XPNPEP3: variants seen among roughly 807,000 people sequenced by gnomAD.
The protein encoded by XPNPEP3 is xaa-Pro aminopeptidase 3.
A neutral mutation model predicts 60.0 loss-of-function variants in XPNPEP3; 41 were observed. The ratio of observed to expected loss-of-function variants is 0.68; its 90% CI spans 0.53 to 0.89. The LOEUF (loss-of-function observed/expected upper bound fraction) is 0.89. XPNPEP3 is among the 40% of genes least tolerant of loss of function. XPNPEP3 has a pLI of 0.00. For missense variants in XPNPEP3, 598 were observed against 638.9 expected (o/e 0.94, Z 0.69); for synonymous variants, 212 against 223.2 (o/e 0.95, Z 0.45).
Position 40,932,748 on chromosome 22 carries a change from C to T in XPNPEP3, c.*6313C>T, listed in dbSNP as rs986659624. The T allele has an allele frequency of 1.3e-5, 2 of 152,028 alleles. No individual in the cohort carries two copies. The highest frequency in any genetic ancestry group is 1.3e-4 in the Admixed American group (2 of 15,256). 9.4% of individuals were successfully genotyped at this position (152,028 alleles called of 1,614,324 possible). ...CATTACTAATAACTGAAAATAGTTA[C>T]GTCATTGCCCATCAAGGGAAAAGCA... is the stretch of plus-strand genomic sequence containing the variant. On this transcript the variant is annotated 3_prime_UTR_variant, in exon 10 of 10. Transcript: ENST00000357137.
chr22:40,901,557 C>T lies in XPNPEP3; in HGVS notation c.793-6030C>T, dbSNP rs562893206. Among the ~76,000 whole-genome samples, 104 of 152,158 alleles carry T rather than the reference C, an allele frequency of 6.8e-4. No homozygotes were observed. The Middle Eastern group carries it at 0.014, about 20-fold the overall frequency. Reference sequence around the variant, plus strand: ...GCCTATTTAAAGAACTCTTACAGTTCAACAACAGGCCAGGGACAGTGGCTC... The same window carrying T: ...GCCTATTTAAAGAACTCTTACAGTTTAACAACAGGCCAGGGACAGTGGCTC... On this transcript the variant is annotated intron_variant, in intron 4 of 9. Transcript: ENST00000357137.
At chr22:40,918,009 TA>T (rs34474574) in intron 7 of XPNPEP3, among the ~76,000 whole-genome samples, 19,876 of 124,866 alleles carry the variant, frequency 0.16, 4,106 homozygotes, top group African/African-American at 0.49. Context: ...AGACTCTGTC[TA>T]AAAAAAAAAA....
chr22:40,859,520 A>G (rs2145762841), intron 1 of XPNPEP3: 1 of 152,264 alleles, frequency 6.6e-6, no homozygotes, highest in East Asian at 1.9e-4. Flanking sequence ...GATAAACTCT[A>G]CTAAATATCA....
intron 7 of XPNPEP3, among the ~76,000 whole-genome samples, chr22:40,915,356 C>T (rs1271841884): frequency 6.6e-6 from 1 of 151,974 alleles, no homozygotes; most frequent in Non-Finnish European, 1.5e-5. Flanking sequence ...AGGCAGAGCA[C>T]CTGAGGTCAG....
chr22:40,881,599 C>T (rs2058048363), intron 2 of XPNPEP3, among the ~76,000 whole-genome samples, 171 bp from the exon 3 acceptor site: 2 of 152,146 alleles, frequency 1.3e-5, no homozygotes, highest in African/African-American at 4.8e-5. Flanking sequence ...CAAATTTTTG[C>T]AGTGGAATAC....
At chr22:40,858,625 G>A (rs1189696177) in intron 1 of XPNPEP3, among the ~76,000 whole-genome samples, 3 of 134,138 alleles carry the variant, frequency 2.2e-5, no homozygotes, top group Admixed American at 8.5e-5. Flanking sequence ...TCCACCTCCC[G>A]AGTTCAAGCG....
intron 4 of XPNPEP3, among the ~76,000 whole-genome samples, chr22:40,898,593 G>A (rs1569025608): frequency 6.6e-6 from 1 of 152,034 alleles, no homozygotes; most frequent in Non-Finnish European, 1.5e-5. Flanking sequence ...TATAAACTAA[G>A]GGTCTAACCT....
chr22:40,908,320 G>A (rs958061231), intron 5 of XPNPEP3, among the ~76,000 whole-genome samples: 20 of 151,846 alleles, frequency 1.3e-4, no homozygotes, highest in Non-Finnish European at 8.8e-5. Flanking sequence ...AGGAGTTTGA[G>A]ACCAGCCTGG....
chr22:40,925,253 T>TA (rs2058230863), intron 9 of XPNPEP3, among the ~76,000 whole-genome samples: 1 of 152,224 alleles, frequency 6.6e-6, no homozygotes, highest in South Asian at 2.1e-4. Flanking sequence ...ATACGTTACC[T>TA]AACTTGAATG....
intron 4 of XPNPEP3, among the ~76,000 whole-genome samples, chr22:40,893,562 C>A (rs1192168524): frequency 6.7e-6 from 1 of 150,084 alleles, no homozygotes; most frequent in Non-Finnish European, 1.5e-5. Context: ...CAAGATATAG[C>A]CTTATTTGTA....
intron 6 of XPNPEP3, among the ~76,000 whole-genome samples, chr22:40,910,098 T>G (rs930899965): frequency 6.6e-6 from 1 of 150,550 alleles, no homozygotes; most frequent in Non-Finnish European, 1.5e-5. Context: ...GAAAAAAATA[T>G]AGCAAACATG....
At chr22:40,897,092 C>T (rs373693979) in intron 4 of XPNPEP3, among the ~76,000 whole-genome samples, 3 of 134,166 alleles carry the variant, frequency 2.2e-5, no homozygotes, top group East Asian at 4.7e-4. Context: ...AGTGCAGTGG[C>T]GCAATCTCGG....
intron 1 of XPNPEP3, among the ~76,000 whole-genome samples, chr22:40,865,079 T>C (rs912582024): frequency 1.2e-4 from 19 of 152,244 alleles, no homozygotes; most frequent in Non-Finnish European, 2.4e-4. Flanking sequence ...GTTGATCCTT[T>C]GCCTCCCAGC....
chr22:40,895,780 G>T (rs1569024613), intron 4 of XPNPEP3, among the ~76,000 whole-genome samples: 1 of 152,130 alleles, frequency 6.6e-6, no homozygotes, highest in Non-Finnish European at 1.5e-5. Flanking sequence ...TTTCACAGCA[G>T]CATCCCCACA....
chr22:40,891,814 T>G (rs1243633594), intron 4 of XPNPEP3, among the ~76,000 whole-genome samples: 1 of 152,194 alleles, frequency 6.6e-6, no homozygotes, highest in Non-Finnish European at 1.5e-5. Flanking sequence ...GGCACTCAGT[T>G]GCATTGTTGG....
chr22:40,912,785 G>A (rs866876954), intron 6 of XPNPEP3, among the ~76,000 whole-genome samples: 14 of 152,006 alleles, frequency 9.2e-5, no homozygotes, highest in African/African-American at 1.7e-4. Flanking sequence ...CGGGAGAATC[G>A]CTGGAACCCA....
intron 4 of XPNPEP3, among the ~76,000 whole-genome samples, chr22:40,890,356 T>G (rs1039477972): frequency 6.6e-6 from 1 of 152,006 alleles, no homozygotes; most frequent in African/African-American, 2.4e-5. Flanking sequence ...AAGACTAGCC[T>G]GGGCAACATG....
intron 4 of XPNPEP3, among the ~76,000 whole-genome samples, chr22:40,895,378 C>T (rs1025927149): frequency 1.1e-4 from 17 of 151,824 alleles, no homozygotes; most frequent in Non-Finnish European, 1.8e-4. Context: ...ATCTGTCGCC[C>T]AGGCTGGAGT....
In XPNPEP3 at chr22:40,861,000, C is replaced by T. The variant is rs1032545424; in HGVS notation, c.64+3755C>T. 4.8e-6 allele frequency: 7 copies of T among 1,467,156 alleles called. No homozygotes were observed. In the African/African-American group the frequency reaches 5.7e-5, roughly 12 times the overall value. The allele number at this position is 1,467,156 out of a possible 1,614,324, so 90.9% of individuals were successfully genotyped here. The stretch of plus-strand genomic sequence containing the variant: ...TTAGTATAGTATTAAGTGTTATCTA[C>T]AAAATTTGTGATTAACCAAAACACA... On this transcript the variant is annotated intron_variant, in intron 1 of 9. Coordinates refer to ENST00000357137, the MANE Select transcript of XPNPEP3 (RefSeq NM_022098.4).
Sources: gnomAD v4.1 joint callset for allele counts (sites outside exome capture counted in the v4.1 genomes callset) on GRCh38, gnomAD v4.1.1 for gene constraint, MANE v1.5 for transcripts, NCBI Gene and HGNC (gene_info 2026-07-23, HGNC 2026-07-21) for gene names.